The following GPC5 variants were observed in gnomAD, a reference collection of about 807,000 sequenced individuals.
GPC5 encodes the protein glypican 5, also known as glypican-5.
GPC5 carries 47 observed loss-of-function variants against 53.9 expected under a neutral mutation model. The observed-to-expected ratio is 0.87, with a 90% CI of 0.69 to 1.11. The LOEUF (loss-of-function observed/expected upper bound fraction) is 1.11. GPC5 is among the 50% of genes most tolerant of loss of function. GPC5 has a pLI of 0.00. For synonymous variants in GPC5, 286 were observed against 263.3 expected (o/e 1.09, Z -0.84); for missense variants, 748 against 713.1 (o/e 1.05, Z -0.56).
intron 2 of GPC5, among the ~76,000 whole-genome samples, chr13:91,502,906 C>T (rs1475631520): frequency 6.6e-6 from 1 of 152,154 alleles, no homozygotes; most frequent in African/African-American, 2.4e-5. Context: ...CTCCAAGGCT[C>T]ATATACTTAT....
At chr13:91,623,869 A>T (rs2033931413) in intron 2 of GPC5, among the ~76,000 whole-genome samples, 1 of 152,124 alleles carries the variant, frequency 6.6e-6, no homozygotes, top group South Asian at 2.1e-4. Context: ...TAAAGGTTGT[A>T]TCTTATGGTA....
intron 7 of GPC5, among the ~76,000 whole-genome samples, chr13:92,268,741 G>T (rs2042820000): frequency 1.3e-5 from 2 of 151,854 alleles, no homozygotes; most frequent in African/African-American, 4.8e-5. Flanking sequence ...AGACAAATAT[G>T]TGTCCTTTGC....
chr13:92,619,263 T>A (rs1377832018), intron 7 of GPC5, among the ~76,000 whole-genome samples: 1 of 152,008 alleles, frequency 6.6e-6, no homozygotes, highest in Non-Finnish European at 1.5e-5. Context: ...ATGGCATATT[T>A]AATTTTTATG....
chr13:91,639,047 G>A (rs76112139), intron 2 of GPC5, among the ~76,000 whole-genome samples: 1 of 152,290 alleles, frequency 6.6e-6, no homozygotes, highest in East Asian at 1.9e-4. Context: ...ATGAAAAACT[G>A]CCATAAACTT....
intron 3 of GPC5, among the ~76,000 whole-genome samples, chr13:91,715,578 C>A (rs2036318649): frequency 6.6e-6 from 1 of 152,126 alleles, no homozygotes; most frequent in East Asian, 1.9e-4. Flanking sequence ...GCTTTCCCTT[C>A]TCTGTCAGCA....
intron 2 of GPC5, among the ~76,000 whole-genome samples, chr13:91,673,430 A>T (rs1174155585): frequency 6.6e-6 from 1 of 152,144 alleles, no homozygotes; most frequent in African/African-American, 2.4e-5. Flanking sequence ...CGATGACATA[A>T]CAACTGGTTG....
In GPC5 at chr13:92,381,919, A is replaced by AT. The variant is rs2139308612; in HGVS notation, c.1561+236931dup. On this transcript the variant is annotated intron_variant, in intron 7 of 7. Transcript: ENST00000377067. ...TATAATCATATATATGATATATATA[A>AT]TCATATATATGATTATATATGAAAT... Among the ~76,000 whole-genome samples the AT allele has an allele frequency of 6.6e-5, 3 of 45,136 alleles. No individual in the cohort carries two copies. In the South Asian group the frequency reaches 1.7e-3, roughly 26 times the overall value. 29.6% of individuals were successfully genotyped at this position (45,136 alleles called of 152,430 possible). A position where few individuals can be genotyped will look rare whatever the true frequency, so the allele number is the denominator to read the frequency against.
chr13:92,165,989 C>A (rs1305565072), intron 7 of GPC5, among the ~76,000 whole-genome samples: 6 of 152,146 alleles, frequency 3.9e-5, no homozygotes, highest in African/African-American at 2.4e-5. Flanking sequence ...AGGATTGTCT[C>A]TGCAGATTGT....
At chr13:92,364,729 C>T (rs2043594960) in intron 7 of GPC5, among the ~76,000 whole-genome samples, 1 of 151,592 alleles carries the variant, frequency 6.6e-6, no homozygotes, top group South Asian at 2.1e-4. Flanking sequence ...GAGACTCCGT[C>T]TCAAACAAAA....
intron 7 of GPC5, among the ~76,000 whole-genome samples, chr13:92,399,966 C>T (rs1259679079): frequency 6.6e-6 from 1 of 152,150 alleles, no homozygotes; most frequent in African/African-American, 2.4e-5. Flanking sequence ...TGTAGGCTTT[C>T]ATCACTCAGT....
At position 92,421,621 on chromosome 13, in the gene GPC5, C is replaced by CT. The variant is rs571557852; in HGVS notation, c.1561+276632_1561+276633insT. On this transcript the variant is annotated intron_variant, in intron 7 of 7. Coordinates refer to ENST00000377067, the MANE Select transcript of GPC5 (RefSeq NM_004466.6). ...GGCTGAGGTAGGAGAATGGCGTGAA[C>CT]CCTGGAGGAGGAGCTTGCAGTGAGC... 4.9e-5 allele frequency among the ~76,000 whole-genome samples: 7 copies of CT among 144,004 alleles called. No individual in the cohort carries two copies. In the East Asian group the frequency reaches 1.5e-3, roughly 31 times the overall value. The allele number at this position is 144,004 out of a possible 152,430, so 94.5% of individuals were successfully genotyped here. A position where few individuals can be genotyped will look rare whatever the true frequency, so the allele number is the denominator to read the frequency against.
chr13:92,724,132 C>G (rs1042759639), intron 7 of GPC5, among the ~76,000 whole-genome samples: 3 of 151,428 alleles, frequency 2.0e-5, no homozygotes, highest in African/African-American at 7.3e-5. Flanking sequence ...ATCCTTACTG[C>G]TTTCATAGAA....
chr13:92,432,675 A>G, intron 7 of GPC5, among the ~76,000 whole-genome samples: 1 of 151,284 alleles, frequency 6.6e-6, no homozygotes, highest in East Asian at 1.9e-4. Flanking sequence ...ACGCCTGGCC[A>G]TAAACTAGTT....
chr13:92,665,573 AT>A (rs997839236), intron 7 of GPC5, among the ~76,000 whole-genome samples: 64 of 152,290 alleles, frequency 4.2e-4, no homozygotes, highest in African/African-American at 1.4e-3. Context: ...TCATAAATAA[AT>A]AAGAAATGTT....
intron 7 of GPC5, among the ~76,000 whole-genome samples, chr13:92,802,038 G>A (rs1876924970): frequency 6.6e-6 from 1 of 151,668 alleles, no homozygotes; most frequent in Non-Finnish European, 1.5e-5. Context: ...TAATGTCCTA[G>A]GCTTTCACAT....
chr13:91,428,921 T>G (rs1282901603), intron 1 of GPC5, among the ~76,000 whole-genome samples: 2 of 152,142 alleles, frequency 1.3e-5, no homozygotes, highest in Non-Finnish European at 2.9e-5. Flanking sequence ...GGTTTTGTTT[T>G]GTTTTCTTTT....
intron 7 of GPC5, among the ~76,000 whole-genome samples, chr13:92,606,243 C>T (rs1473166040): frequency 6.6e-6 from 1 of 152,074 alleles, no homozygotes; most frequent in Non-Finnish European, 1.5e-5. Flanking sequence ...TCCCTTCCCC[C>T]AACTCCACGA....
At chr13:92,573,268 C>G (rs553671526) in intron 7 of GPC5, among the ~76,000 whole-genome samples, 32 of 152,242 alleles carry the variant, frequency 2.1e-4, no homozygotes, top group African/African-American at 7.2e-4. Flanking sequence ...GTATTTAACT[C>G]AAAAGCATAT....
intron 7 of GPC5, among the ~76,000 whole-genome samples, chr13:92,856,247 T>A (rs909274190): frequency 6.6e-6 from 1 of 151,964 alleles, no homozygotes; most frequent in Non-Finnish European, 1.5e-5. Context: ...AGAATTCTAA[T>A]AAAAGCACAT....
Sources: gnomAD v4.1 joint callset for allele counts (sites outside exome capture counted in the v4.1 genomes callset) on GRCh38, gnomAD v4.1.1 for gene constraint, MANE v1.5 for transcripts, NCBI Gene and HGNC (gene_info 2026-07-23, HGNC 2026-07-21) for gene names.